CCDC152: variants seen among roughly 807,000 people sequenced by gnomAD.
CCDC152 encodes coiled-coil domain containing 152.
CCDC152 carries 37 observed loss-of-function variants against 38.1 expected under a neutral mutation model. The observed-to-expected ratio is 0.97, with a 90% CI of 0.75 to 1.28. The LOEUF is 1.28. Ranked by LOEUF, CCDC152 falls within the 50% of genes most tolerant of loss-of-function variation. The pLI is 0.00. For missense variants in CCDC152, 259 were observed against 292.1 expected (o/e 0.89, Z 0.83); for synonymous variants, 83 against 87.1 (o/e 0.95, Z 0.26).
chr5:42,789,256 A>G lies in CCDC152; in HGVS notation c.430+5680A>G, dbSNP rs2910850. Among the ~76,000 whole-genome samples, 323 of 152,180 alleles carry G rather than the reference A, an allele frequency of 2.1e-3. 2 individuals carry two copies. Among genetic ancestry groups the G allele is most frequent in the African/African-American group, 7.4e-3 (306 of 41,512 alleles). On this transcript the variant is annotated intron_variant, in intron 6 of 8. Transcript: ENST00000361970. ...TCTCTGCTAGAGTCTTGCTGCCTTCATTTTCTGCACTTTGGCTTCTTCCTG... is the reference window on the plus strand; with the variant it reads ...TCTCTGCTAGAGTCTTGCTGCCTTCGTTTTCTGCACTTTGGCTTCTTCCTG...
At chr5:42,787,037 A>G (rs1438329933) in intron 6 of CCDC152, among the ~76,000 whole-genome samples, 5 of 152,018 alleles carry the variant, frequency 3.3e-5, no homozygotes, top group Admixed American at 6.5e-5. Context: ...TTATTTAAAA[A>G]ATTATTGAGA....
intron 4 of CCDC152, among the ~76,000 whole-genome samples, chr5:42,778,159 AC>A (rs2111561099): frequency 6.6e-6 from 1 of 152,342 alleles, no homozygotes; most frequent in Non-Finnish European, 1.5e-5. Context: ...GGCACATGCC[AC>A]AATTAACAAC....
At chr5:42,779,075 T>G (rs1018481629) in intron 4 of CCDC152, among the ~76,000 whole-genome samples, 2 of 152,194 alleles carry the variant, frequency 1.3e-5, no homozygotes, top group Non-Finnish European at 2.9e-5. Flanking sequence ...GAATGCTCTC[T>G]CTTAACATGG....
At chr5:42,774,615 TCACAGTCCAAAGACA>T (rs1283015716) in intron 4 of CCDC152, among the ~76,000 whole-genome samples, 1 of 152,132 alleles carries the variant, frequency 6.6e-6, no homozygotes, top group Non-Finnish European at 1.5e-5. Context: ...TGTGGGTAAC[TCACAGTCCAAAGACA>T]CAGGCTTACT....
chr5:42,770,141 C>T (rs150065677), intron 4 of CCDC152, among the ~76,000 whole-genome samples: 2,320 of 152,262 alleles, frequency 0.015, 21 homozygotes, highest in Non-Finnish European at 0.023. Context: ...TCAAACAGGC[C>T]TACCATTCAC....
At chr5:42,796,765 A>G (rs1760080995) in intron 6 of CCDC152, 64 bp from the exon 7 acceptor site, 1 of 1,100,066 alleles carries the variant, frequency 9.1e-7, no homozygotes, top group Non-Finnish European at 1.2e-6. Context: ...CACTAAAGAA[A>G]TACAAACTTA....
intron 6 of CCDC152, among the ~76,000 whole-genome samples, chr5:42,795,352 AAAC>A (rs1760060505): frequency 6.6e-6 from 1 of 152,218 alleles, no homozygotes; most frequent in Admixed American, 6.5e-5. Context: ...CAGGGAAATA[AAAC>A]AACAATTCTA....
At chr5:42,760,265 C>CT (rs1472049563) in intron 2 of CCDC152, among the ~76,000 whole-genome samples, 1 of 142,530 alleles carries the variant, frequency 7.0e-6, no homozygotes, top group Non-Finnish European at 1.5e-5. Context: ...GATCGCGCCA[C>CT]TGCACTCCAG....
chr5:42,765,280 G>GA (rs1393835205), intron 3 of CCDC152, among the ~76,000 whole-genome samples: 1 of 151,998 alleles, frequency 6.6e-6, no homozygotes, highest in Non-Finnish European at 1.5e-5. Flanking sequence ...CCAAAAAATG[G>GA]AAAAATATTC....
intron 4 of CCDC152, among the ~76,000 whole-genome samples, chr5:42,777,417 G>A (rs887638597): frequency 6.6e-6 from 1 of 151,166 alleles, no homozygotes; most frequent in Non-Finnish European, 1.5e-5. Context: ...AGCTAAGATC[G>A]CGCCATCGCA....
intron 6 of CCDC152, among the ~76,000 whole-genome samples, chr5:42,791,977 AC>A (rs1201509632): frequency 1.3e-5 from 2 of 152,220 alleles, no homozygotes; most frequent in Admixed American, 1.3e-4. Context: ...CTAGTTATTG[AC>A]CTAACAGCCA....
chr5:42,787,708 CTTCT>C (rs1759941236), intron 6 of CCDC152, among the ~76,000 whole-genome samples: 1 of 151,912 alleles, frequency 6.6e-6, no homozygotes, highest in Non-Finnish European at 1.5e-5. Flanking sequence ...ATATAATGCC[CTTCT>C]TTGTCTTTTT....
intron 4 of CCDC152, among the ~76,000 whole-genome samples, chr5:42,776,877 T>A (rs542013797): frequency 6.6e-6 from 1 of 152,208 alleles, no homozygotes; most frequent in Non-Finnish European, 1.5e-5. Flanking sequence ...AAAAATACAA[T>A]TTATTAAAAT....
chr5:42,783,597 C>CT, intron 6 of CCDC152, 21 bp downstream of exon 6: 3 of 1,244,622 alleles, frequency 2.4e-6, no homozygotes, highest in South Asian at 4.4e-5. Flanking sequence ...AATAAACTTG[C>CT]TTTTTTGTTA....
At chr5:42,769,262 T>A (rs1362225520) in intron 3 of CCDC152, among the ~76,000 whole-genome samples, 2 of 151,414 alleles carry the variant, frequency 1.3e-5, no homozygotes, top group Admixed American at 6.6e-5. Flanking sequence ...AAAAAAAAAA[T>A]TATATTTTTC....
intron 1 of CCDC152, 23 bp downstream of exon 1, chr5:42,756,908 G>C (rs974637980): frequency 1.3e-5 from 2 of 152,760 alleles, no homozygotes; most frequent in African/African-American, 4.8e-5. Flanking sequence ...TTCTATTGAC[G>C]GTTCGAAATT....
chr5:42,801,471 A>G lies in CCDC152; in HGVS notation c.*1690A>G. ...TGGCTTTGTATTATATTAATGAGAA[A>G]GAGTCTGATGTTAGTCTCAACACCT... On this transcript the variant is annotated 3_prime_UTR_variant, in exon 9 of 9. Coordinates refer to ENST00000361970, the MANE Select transcript of CCDC152 (RefSeq NM_001134848.2). The G allele has an allele frequency of 4.7e-6, 3 of 635,566 alleles. No individual in the cohort carries two copies. Among genetic ancestry groups the G allele is most frequent in the Admixed American group, 3.1e-5 (1 of 32,132 alleles). The allele number at this position is 635,566 out of a possible 1,614,324, so 39.4% of individuals were successfully genotyped here.
chr5:42,796,831 G>T lies in CCDC152; in HGVS notation c.433G>T (p.Glu145Ter). The T allele has an allele frequency of 7.0e-7, 1 of 1,428,098 alleles. No homozygotes were observed. Among genetic ancestry groups the T allele is most frequent in the South Asian group, 1.4e-5 (1 of 69,060 alleles). The allele number at this position is 1,428,098 out of a possible 1,614,324, so 88.5% of individuals were successfully genotyped here. Reference protein sequence around the residue: ...KLYQDMQRKVELNEEKHKELI... With the variant: ...KLYQDMQRKV ...TTTATTTATTTCATTTTATTCAGTT[G>T]AATTAAATGAAGAAAAGCACAAAGA... is the stretch of plus-strand genomic sequence containing the variant. The change falls in exon 7 of 9, where the codon GAA (glutamate) becomes TAA (stop). Residue 145 changes from glutamate (E) to a stop codon, truncating the protein, a stop_gained and splice_region_variant. Transcript: ENST00000361970. LOFTEE classifies it high-confidence loss of function.
intron 6 of CCDC152, among the ~76,000 whole-genome samples, chr5:42,786,523 CT>C (rs1167018290): frequency 6.6e-6 from 1 of 152,080 alleles, no homozygotes; most frequent in Non-Finnish European, 1.5e-5. Flanking sequence ...CTGTTTCTCT[CT>C]GTTTTTCTTG....
Sources: gnomAD v4.1 joint callset for allele counts (sites outside exome capture counted in the v4.1 genomes callset) on GRCh38, gnomAD v4.1.1 for gene constraint, MANE v1.5 for transcripts, NCBI Gene and HGNC (gene_info 2026-07-23, HGNC 2026-07-21) for gene names.